The following DNMT3B variants were observed in gnomAD, a reference collection of about 807,000 sequenced individuals.
DNMT3B encodes DNA methyltransferase 3 beta, also known as DNA (cytosine-5)-methyltransferase 3B.
Under a neutral mutation model 120.2 loss-of-function variants are expected in DNMT3B, and 37 were observed. The ratio of observed to expected loss-of-function variants is 0.31; its 90% CI spans 0.24 to 0.40. DNMT3B has a LOEUF of 0.40. Among genes scored for constraint, DNMT3B ranks in the 10% least tolerant of loss-of-function variants. The pLI, the probability that DNMT3B is intolerant of heterozygous loss-of-function variation, is 1.00. For missense variants in DNMT3B, 878 were observed against 1,137.3 expected (o/e 0.77, Z 3.28); for synonymous variants, 412 against 442.8 (o/e 0.93, Z 0.87).
At chr20:32,783,808 C>A (rs913101694) in intron 3 of DNMT3B, among the ~76,000 whole-genome samples, 1 of 152,178 alleles carries the variant, frequency 6.6e-6, no homozygotes, top group African/African-American at 2.4e-5. Flanking sequence ...TCACTGCAAC[C>A]TCCGCCTCCC....
At chr20:32,804,499 T>TCATGTCTGA (rs1981738046) in intron 20 of DNMT3B, among the ~76,000 whole-genome samples, 1 of 152,204 alleles carries the variant, frequency 6.6e-6, no homozygotes, top group Non-Finnish European at 1.5e-5. Context: ...CTGAGTTGTT[T>TCATGTCTGA]GGCCTTGACG....
In DNMT3B at chr20:32,798,517, C is replaced by G. The variant is rs950595148; in HGVS notation, c.1548C>G (p.Ala516=). Residue 516 remains alanine (A), a synonymous_variant, in exon 15 of 23, where the codon GCC becomes GCG. Transcript: ENST00000328111. ...VLVGTGTAAE[A]KLQEPWSCYM... is the part of the protein sequence containing the mutation. ...TGGGCACAGGCACAGCGGCCGAGGC[C>G]AAGCTTCAGGAGCCCTGGAGCTGTT... 1 of 1,614,210 alleles carries G rather than the reference C, an allele frequency of 6.2e-7. No homozygotes were observed. Among genetic ancestry groups the G allele is most frequent in the Non-Finnish European group, 8.5e-7 (1 of 1,180,030 alleles).
chr20:32,792,831 G>T, intron 9 of DNMT3B, 61 bp downstream of exon 9: 1 of 1,608,964 alleles, frequency 6.2e-7, no homozygotes, highest in South Asian at 1.1e-5. Context: ...CTTCTTGGGA[G>T]AGTCAGCCAC....
chr20:32,806,452 T>A, intron 22 of DNMT3B, 125 bp downstream of exon 22: 1 of 887,188 alleles, frequency 1.1e-6, no homozygotes, highest in Non-Finnish European at 1.9e-6. Flanking sequence ...GGGCGAGGAG[T>A]AATAATACCT....
intron 19 of DNMT3B, 24 bp from the exon 20 acceptor site, chr20:32,802,361 C>G: frequency 1.9e-6 from 3 of 1,611,814 alleles, no homozygotes; most frequent in Non-Finnish European, 2.5e-6. Context: ...AGGCTCCTAA[C>G]AGTAACCTTC....
chr20:32,783,158 C>T (rs1166651782), intron 3 of DNMT3B, among the ~76,000 whole-genome samples: 1 of 152,080 alleles, frequency 6.6e-6, no homozygotes, highest in Non-Finnish European at 1.5e-5. Flanking sequence ...AACTCCTGGC[C>T]TCAAGTGAGC....
chr20:32,783,919 T>TC (rs1978938172), intron 3 of DNMT3B, among the ~76,000 whole-genome samples: 1 of 150,930 alleles, frequency 6.6e-6, no homozygotes, highest in African/African-American at 2.4e-5. Context: ...TGTATTTTTT[T>TC]TTTTTTTTGA....
intron 6 of DNMT3B, 57 bp downstream of exon 6, chr20:32,787,508 AACCAGTT>A: frequency 6.4e-7 from 1 of 1,557,184 alleles, no homozygotes; most frequent in Non-Finnish European, 8.7e-7. Flanking sequence ...CACGGGGAAA[AACCAGTT>A]ACCTGCTACT....
intron 8 of DNMT3B, among the ~76,000 whole-genome samples, chr20:32,792,352 T>A (rs931575233): frequency 3.3e-5 from 5 of 152,172 alleles, no homozygotes; most frequent in Admixed American, 2.6e-4. Flanking sequence ...TATGTCTGCC[T>A]TTTGAGTGGG....
At chr20:32,765,426 C>T (rs6141806) in intron 1 of DNMT3B, among the ~76,000 whole-genome samples, 34,273 of 89,936 alleles carry the variant, frequency 0.38, 5,664 homozygotes, top group African/African-American at 0.63. Context: ...TTTTTTCTTT[C>T]TTTTTTTTTT....
intron 1 of DNMT3B, among the ~76,000 whole-genome samples, chr20:32,763,689 G>GCTTCC (rs899432373): frequency 4.6e-5 from 7 of 152,328 alleles, no homozygotes; most frequent in African/African-American, 1.7e-4. Context: ...TTGGGCCCAG[G>GCTTCC]CTTCCCGCTG....
At chr20:32,802,306 C>A in intron 19 of DNMT3B, 79 bp from the exon 20 acceptor site, 2 of 1,456,558 alleles carry the variant, frequency 1.4e-6, no homozygotes, top group Non-Finnish European at 1.9e-6. Flanking sequence ...CAGGGAATAG[C>A]CCTGTCACCT....
In DNMT3B at chr20:32,785,199, C is replaced by T. The variant is rs546520828; in HGVS notation, c.306+340C>T. 5.8e-4 allele frequency among the ~76,000 whole-genome samples: 88 copies of T among 152,158 alleles called. 1 individual carries two copies. The highest frequency in any genetic ancestry group is 2.1e-3 in the African/African-American group (86 of 41,502). On this transcript the variant is annotated intron_variant, in intron 4 of 22. Coordinates refer to ENST00000328111, the MANE Select transcript of DNMT3B (RefSeq NM_006892.4). ...GGACTACACGCACCTACCACCACACCCGGCCAGTTTTTGTATTTTCAGTAG... is the reference window on the plus strand; with the variant it reads ...GGACTACACGCACCTACCACCACACTCGGCCAGTTTTTGTATTTTCAGTAG...
intron 12 of DNMT3B, 128 bp downstream of exon 12, chr20:32,795,822 C>G: frequency 9.1e-6 from 11 of 1,212,136 alleles, no homozygotes; most frequent in Non-Finnish European, 1.3e-5. Flanking sequence ...AGGCCAAGGC[C>G]TATTTCTGGA....
At chr20:32,792,319 C>A (rs1980069680) in intron 8 of DNMT3B, among the ~76,000 whole-genome samples, 1 of 152,146 alleles carries the variant, frequency 6.6e-6, no homozygotes, top group African/African-American at 2.4e-5. Flanking sequence ...GCTTCTATAT[C>A]TTGGTGGTAG....
chr20:32,766,575 TCTAGTTTATTTTTTATTTA>T (rs1487414746), intron 1 of DNMT3B, among the ~76,000 whole-genome samples: 3 of 152,140 alleles, frequency 2.0e-5, no homozygotes, highest in African/African-American at 7.2e-5. Context: ...TGACCTCTGC[TCTAGTTTATTTTTTATTTA>T]CTTATTTATT....
intron 1 of DNMT3B, among the ~76,000 whole-genome samples, chr20:32,776,106 G>GT (rs1486046575): frequency 5.9e-5 from 9 of 152,138 alleles, no homozygotes; most frequent in Admixed American, 3.3e-4. Context: ...GTGCAAGTCT[G>GT]TAATCCCAGC....
At position 32,800,931 on chromosome 20, in the gene DNMT3B, C is replaced by G. The variant is rs77355896; in HGVS notation, c.1996+6C>G. On this transcript the variant is annotated splice_donor_region_variant and intron_variant, in intron 18 of 22. Coordinates refer to ENST00000328111, the MANE Select transcript of DNMT3B (RefSeq NM_006892.4). ...AGCCAGGAAAGGCCTGTATGGTGAG[C>G]ATCCTTCTCTCTGGCAGTCCCTGGA... The G allele has an allele frequency of 5.3e-5, 85 of 1,614,152 alleles. 1 individual carries two copies. Among genetic ancestry groups the G allele is most frequent in the South Asian group, 9.9e-5 (9 of 91,086 alleles).
At position 32,803,706 on chromosome 20, in the gene DNMT3B, T is replaced by C. The variant is rs117565111; in HGVS notation, c.2231+1236T>C. 1.2e-3 allele frequency among the ~76,000 whole-genome samples: 187 copies of C among 152,252 alleles called. 1 individual carries two copies. Among genetic ancestry groups the C allele is most frequent in the Non-Finnish European group, 2.3e-3 (155 of 68,016 alleles). On this transcript the variant is annotated intron_variant, in intron 20 of 22. Transcript: ENST00000328111. Reference sequence around the variant, plus strand: ...GGTCCTAAGTGAAGGGATGGACCCATGCAGTTATTAGAGTACTCCAGGTGG... The same window carrying C: ...GGTCCTAAGTGAAGGGATGGACCCACGCAGTTATTAGAGTACTCCAGGTGG...
Sources: gnomAD v4.1 joint callset for allele counts (sites outside exome capture counted in the v4.1 genomes callset) on GRCh38, gnomAD v4.1.1 for gene constraint, MANE v1.5 for transcripts, NCBI Gene and HGNC (gene_info 2026-07-23, HGNC 2026-07-21) for gene names.